AXIN1: variants seen among roughly 807,000 people sequenced by gnomAD.
The protein encoded by AXIN1 is axin 1.
In AXIN1, 30 loss-of-function variants were observed where a neutral mutation model predicts 76.4. That is an observed-to-expected ratio of 0.39 (90% CI 0.29 to 0.53). The LOEUF (loss-of-function observed/expected upper bound fraction) is 0.53. AXIN1 is among the 20% of genes least tolerant of loss of function. The pLI is 0.66. For synonymous variants in AXIN1, 545 were observed against 501.4 expected, an observed-to-expected ratio of 1.09 and a Z score of -1.16; for missense variants, 1,140 against 1,198.8, an observed-to-expected ratio of 0.95 and a Z score of 0.72.
At chr16:295,651 GTA>G (rs1339098353) in intron 7 of AXIN1, among the ~76,000 whole-genome samples, 4 of 152,104 alleles carry the variant, frequency 2.6e-5, no homozygotes, top group Non-Finnish European at 5.9e-5. Flanking sequence ...GCAATATTTA[GTA>G]TATACAGCTA....
chr16:325,453 G>A (rs1356955971), intron 2 of AXIN1, among the ~76,000 whole-genome samples: 2 of 152,196 alleles, frequency 1.3e-5, no homozygotes, highest in Non-Finnish European at 2.9e-5. Flanking sequence ...CAACTGCTTG[G>A]CAGTGCCACT....
chr16:288,528 G>A (rs905496820), intron 10 of AXIN1, among the ~76,000 whole-genome samples: 5 of 152,230 alleles, frequency 3.3e-5, no homozygotes, highest in African/African-American at 1.2e-4. Flanking sequence ...GTTGCAGGGG[G>A]GAAGTGGACG....
At position 288,213 on chromosome 16, in the gene AXIN1, C is replaced by A; in HGVS notation, c.2498G>T (p.Cys833Phe). 2.5e-6 allele frequency: 4 copies of A among 1,613,760 alleles called. No individual in the cohort carries two copies. The highest frequency in any genetic ancestry group is 3.4e-6 in the Non-Finnish European group (4 of 1,180,014). Residue 833 changes from cysteine to phenylalanine, a missense_variant, in exon 11 of 11, where the codon TGT (cysteine) becomes TTT (phenylalanine). Cys to Phe is a radical substitution (Grantham distance 205). This residue lies in a region of AXIN1 where 429 missense variants were observed against 405.8 expected (regional missense o/e 1.06). Coordinates refer to ENST00000262320, the MANE Select transcript of AXIN1 (RefSeq NM_003502.4). ...YFKKVSDEFD[C>F]GVVFEEVRED... ...TCGAACCTCCTCAAACACCACCCCA[C>A]AGTCAAACTCGTCGCTCACTTTCTT... is the stretch of plus-strand genomic sequence containing the variant.
In AXIN1 at chr16:294,708, C is replaced by A. The variant is rs73486232; in HGVS notation, c.1956-990G>T. On this transcript the variant is annotated intron_variant, in intron 7 of 10. Transcript: ENST00000262320. ...AGGTGGAGGTTGCAGTGCGTTGACA[C>A]TGGCCTGTTGCACTCCAGCCTGAGC... Among the ~76,000 whole-genome samples the A allele has an allele frequency of 5.3e-3, 719 of 135,312 alleles. 6 individuals are homozygous for A. Among genetic ancestry groups the A allele is most frequent in the African/African-American group, 0.018 (652 of 35,730 alleles). 88.8% of individuals were successfully genotyped at this position (135,312 alleles called of 152,430 possible). A position where few individuals can be genotyped will look rare whatever the true frequency, so the allele number is the denominator to read the frequency against.
intron 2 of AXIN1, among the ~76,000 whole-genome samples, chr16:341,608 C>T (rs1283898165): frequency 6.6e-6 from 1 of 152,268 alleles, no homozygotes; most frequent in Non-Finnish European, 1.5e-5. Flanking sequence ...CCATTGACCA[C>T]CCAAGGGCTG....
intron 5 of AXIN1, among the ~76,000 whole-genome samples, chr16:301,176 CAGG>C (rs769558945): frequency 6.6e-6 from 1 of 151,122 alleles, no homozygotes; most frequent in Non-Finnish European, 1.5e-5. Context: ...GAGGCTGAGG[CAGG>C]AGAATGGCGT....
intron 2 of AXIN1, among the ~76,000 whole-genome samples, chr16:321,053 T>A (rs188012132): frequency 6.6e-6 from 1 of 152,146 alleles, no homozygotes; most frequent in Non-Finnish European, 1.5e-5. Flanking sequence ...AAATGTTTCA[T>A]GCCAAAAGAC....
chr16:302,304 C>A (rs1016980334), intron 5 of AXIN1, among the ~76,000 whole-genome samples: 2 of 152,254 alleles, frequency 1.3e-5, no homozygotes, highest in African/African-American at 4.8e-5. Context: ...AGCCCTGGAG[C>A]TGGCACCACC....
At chr16:323,712 C>T (rs1231652494) in intron 2 of AXIN1, among the ~76,000 whole-genome samples, 2 of 151,558 alleles carry the variant, frequency 1.3e-5, no homozygotes, top group Non-Finnish European at 2.9e-5. Flanking sequence ...ACCCGGGAGG[C>T]GGAGCTTGCA....
rs754419770 is a variant in AXIN1 at position 346,529 on chromosome 16, C to A, written c.497G>T (p.Ser166Ile). 5.6e-6 allele frequency: 9 copies of A among 1,614,178 alleles called. No individual in the cohort carries two copies. The highest frequency in any genetic ancestry group is 6.8e-6 in the Non-Finnish European group (8 of 1,180,014). ...CTTCATGATGCAGCCCTTTATGAAG[C>A]TCTTGGTGGCTGGCTTGGTCTGCCG... Reference protein sequence around the residue: ...VSRQTKPATKSFIKGCIMKQL... With the variant: ...VSRQTKPATKIFIKGCIMKQL... The change falls in exon 2 of 11, where the codon AGC (serine) becomes ATC (isoleucine). Residue 166 changes from serine (S) to isoleucine (I), a missense_variant. Physicochemically the swap from Ser to Ile is moderately radical, Grantham distance 142. This residue lies in a region of AXIN1 where 708 missense variants were observed against 776.9 expected (regional missense o/e 0.91). Coordinates refer to ENST00000262320, the MANE Select transcript of AXIN1 (RefSeq NM_003502.4).
intron 4 of AXIN1, among the ~76,000 whole-genome samples, chr16:304,691 C>T (rs1332536776): frequency 1.3e-5 from 2 of 152,068 alleles, no homozygotes; most frequent in Non-Finnish European, 1.5e-5. Context: ...CCCGCCACCA[C>T]GCCTGGCTAA....
chr16:335,109 T>C (rs770077786), intron 2 of AXIN1, among the ~76,000 whole-genome samples: 37 of 152,160 alleles, frequency 2.4e-4, no homozygotes, highest in Non-Finnish European at 4.1e-4. Flanking sequence ...AAAAACGGCC[T>C]GGACTGCTTT....
At chr16:339,347 CAA>C (rs34322902) in intron 2 of AXIN1, among the ~76,000 whole-genome samples, 13 of 128,110 alleles carry the variant, frequency 1.0e-4, no homozygotes, top group African/African-American at 1.2e-4. Flanking sequence ...ACTAAAAATA[CAA>C]AAAAAAAAAA....
rs1267618875 is a variant in AXIN1 at position 343,062 on chromosome 16, CT to C, written c.878+3085del. ...CATCAGAGATCTTCAAGCCACAAGG[CT>C]GCACCACAGGCCACCTCCCACAGAG... On this transcript the variant is annotated intron_variant, in intron 2 of 10. Transcript: ENST00000262320. Among the ~76,000 whole-genome samples, 5 of 152,310 alleles carry C rather than the reference CT, an allele frequency of 3.3e-5. No homozygotes were observed. In the East Asian group the frequency reaches 9.6e-4, roughly 29 times the overall value.
chr16:308,712 G>C (rs2053093061), intron 4 of AXIN1, among the ~76,000 whole-genome samples: 1 of 152,178 alleles, frequency 6.6e-6, no homozygotes, highest in East Asian at 1.9e-4. Context: ...CTGGCAGGCA[G>C]GGCCCCAGAT....
In AXIN1 at chr16:293,358, C is replaced by G. The variant is rs1181411958; in HGVS notation, c.2186+130G>C. ...CAGTGGTTCTCAGTGGATGGAAGGG[C>G]CCAGTATGGCTGGGGGACACCCAGA... On this transcript the variant is annotated intron_variant, in intron 8 of 10. Transcript: ENST00000262320. This position sits in a 1 kb window ranked among gnomAD's most constrained non-coding sequence, Gnocchi z 4.6. 61 of 909,850 alleles carry G rather than the reference C, an allele frequency of 6.7e-5. No individual in the cohort carries two copies. Among genetic ancestry groups the G allele is most frequent in the Non-Finnish European group, 1.0e-5 (6 of 594,904 alleles). 56.4% of individuals were successfully genotyped at this position (909,850 alleles called of 1,614,324 possible).
intron 2 of AXIN1, among the ~76,000 whole-genome samples, chr16:328,602 G>A (rs932870921): frequency 9.9e-5 from 15 of 151,566 alleles, no homozygotes; most frequent in South Asian, 4.2e-4. Flanking sequence ...AGGCTGAAGC[G>A]GGAGAATCAC....
chr16:301,398 T>C (rs751091668), intron 5 of AXIN1, among the ~76,000 whole-genome samples: 10 of 151,896 alleles, frequency 6.6e-5, no homozygotes, highest in Non-Finnish European at 1.0e-4. Context: ...ATGCTCCCTG[T>C]TGCTGGGACA....
intron 4 of AXIN1, among the ~76,000 whole-genome samples, chr16:305,669 G>C (rs551244208): frequency 1.8e-4 from 27 of 151,692 alleles, no homozygotes; most frequent in Non-Finnish European, 3.2e-4. Flanking sequence ...TCAGCCTCCC[G>C]AGTAGCTGGG....
Sources: gnomAD v4.1 joint callset for allele counts (sites outside exome capture counted in the v4.1 genomes callset) on GRCh38, gnomAD v4.1.1 for gene constraint, gnomAD v4.1.1 regional missense constraint, Gnocchi (gnomAD v3.1) non-coding constraint, MANE v1.5 for transcripts, NCBI Gene and HGNC (gene_info 2026-07-23, HGNC 2026-07-21) for gene names.